Variants in PTCH1 observed in about 807,000 individuals in gnomAD.
The protein encoded by PTCH1 is protein patched homolog 1.
PTCH1 carries 14 observed loss-of-function variants against 144.6 expected under a neutral mutation model. That is an observed-to-expected ratio of 0.10 (90% CI 0.06 to 0.15). The LOEUF is 0.15. Among genes scored for constraint, PTCH1 ranks in the 10% least tolerant of loss-of-function variants. The probability of loss-of-function intolerance (pLI) is 1.00; values close to 1 mark genes in which losing one functional copy is unlikely to be tolerated. For missense variants in PTCH1, 1,623 were observed against 1,948.3 expected, an observed-to-expected ratio of 0.83 and a Z score of 3.14; for synonymous variants, 833 against 793.6, an observed-to-expected ratio of 1.05 and a Z score of -0.83.
At chr9:95,515,343 A>G (rs973231294) in intron 1 of PTCH1, among the ~76,000 whole-genome samples, 4 of 152,068 alleles carry the variant, frequency 2.6e-5, no homozygotes, top group Non-Finnish European at 5.9e-5. Context: ...GTTCTTTTGT[A>G]TTTCTCCTCC....
At chr9:95,512,532 G>A (rs914883642), upstream of PTCH1, among the ~76,000 whole-genome samples, 3 of 152,234 alleles carry the variant, frequency 2.0e-5, no homozygotes, top group Admixed American at 2.0e-4. Context: ...CAGGGCTGAG[G>A]CTGCCCCCAA....
Position 95,449,500 on chromosome 9 carries a change from G to C in PTCH1, c.3550-177C>G, listed in dbSNP as rs2136605076. 3.5e-6 allele frequency: 3 copies of C among 866,520 alleles called. No individual in the cohort carries two copies. Among genetic ancestry groups the C allele is most frequent in the Non-Finnish European group, 5.4e-6 (3 of 555,164 alleles). 53.7% of individuals were successfully genotyped at this position (866,520 alleles called of 1,614,324 possible). Reference sequence around the variant, plus strand: ...TGGAGGACCTTCAGGTCCCGCAGCTGGAGCAGAAGAACTGTCCTCTGCTCC... The same window carrying C: ...TGGAGGACCTTCAGGTCCCGCAGCTCGAGCAGAAGAACTGTCCTCTGCTCC... On this transcript the variant is annotated intron_variant, in intron 21 of 23. Transcript: ENST00000331920. This position sits in a 1 kb window ranked among gnomAD's most constrained non-coding sequence, Gnocchi z 5.3.
At chr9:95,456,138 T>C in intron 19 of PTCH1, 138 bp downstream of exon 19, 1 of 1,303,626 alleles carries the variant, frequency 7.7e-7, no homozygotes, top group South Asian at 1.4e-5. Flanking sequence ...TTGCAGGCTC[T>C]CCTAGGGGGC....
intron 15 of PTCH1, among the ~76,000 whole-genome samples, chr9:95,466,151 G>A (rs1041922498): frequency 7.9e-5 from 12 of 152,044 alleles, no homozygotes; most frequent in African/African-American, 2.4e-4. Flanking sequence ...AGGTTCAAGC[G>A]ATTCTCCTGC....
At chr9:95,499,827 A>G in intron 2 of PTCH1, among the ~76,000 whole-genome samples, 1 of 152,226 alleles carries the variant, frequency 6.6e-6, no homozygotes, top group East Asian at 1.9e-4. Context: ...AACACTCATC[A>G]GGGGCTAAAT....
In PTCH1 at chr9:95,444,054, T is replaced by TA. The variant is rs1281500641; in HGVS notation, c.*2338dup. 4.6e-5 allele frequency: 7 copies of TA among 151,936 alleles called. No individual in the cohort carries two copies. Among genetic ancestry groups the TA allele is most frequent in the African/African-American group, 1.5e-4 (6 of 41,188 alleles). The allele number at this position is 151,936 out of a possible 1,614,324, so 9.4% of individuals were successfully genotyped here. A position where few individuals can be genotyped will look rare whatever the true frequency, so the allele number is the denominator to read the frequency against. ...TTTTGTTATAAACTGGCATGACAAA[T>TA]ACTGTAGAGGAAAACATTCTTATGA... On this transcript the variant is annotated 3_prime_UTR_variant, in exon 24 of 24. Coordinates refer to ENST00000331920, the MANE Select transcript of PTCH1 (RefSeq NM_000264.5).
chr9:95,483,596 C>T (rs544451438), intron 3 of PTCH1: 1 of 152,360 alleles, frequency 6.6e-6, no homozygotes, highest in Non-Finnish European at 1.5e-5. Context: ...AAATGACCCC[C>T]TTCTCCTGAA....
At chr9:95,477,202 G>C (rs1053204285) in intron 10 of PTCH1, among the ~76,000 whole-genome samples, 1 of 152,218 alleles carries the variant, frequency 6.6e-6, no homozygotes, top group African/African-American at 2.4e-5. Flanking sequence ...CAGACTTACT[G>C]AGAAACTCTG....
At chr9:95,478,406 GT>G (rs1841259227) in intron 8 of PTCH1, among the ~76,000 whole-genome samples, 1 of 152,166 alleles carries the variant, frequency 6.6e-6, no homozygotes, top group Non-Finnish European at 1.5e-5. Flanking sequence ...GTGGCAGTGG[GT>G]GCTGCTGAGG....
chr9:95,496,866 T>A (rs1412602816), intron 2 of PTCH1, among the ~76,000 whole-genome samples: 12 of 152,176 alleles, frequency 7.9e-5, no homozygotes, highest in Admixed American at 4.6e-4. Context: ...CTGTGTGATG[T>A]TTGAGTCTAT....
chr9:95,479,788 G>A, intron 7 of PTCH1, 181 bp downstream of exon 7: 3 of 925,654 alleles, frequency 3.2e-6, no homozygotes. Context: ...TTCCCCACAA[G>A]GTGCTTTTTC....
chr9:95,449,370 G>T lies in PTCH1; in HGVS notation c.3550-47C>A. On this transcript the variant is annotated intron_variant, in intron 21 of 23. Transcript: ENST00000331920. The surrounding 1 kb of genome is among the most constrained non-coding windows in gnomAD (Gnocchi z 5.3). Reference sequence around the variant, plus strand: ...TAAAAGTGTTCTTGTCCATTTACCTGCTGGCCACACTCAAAGCTCAAAGCA... The same window carrying T: ...TAAAAGTGTTCTTGTCCATTTACCTTCTGGCCACACTCAAAGCTCAAAGCA... The T allele has an allele frequency of 6.5e-7, 1 of 1,537,822 alleles. No individual in the cohort carries two copies. The highest frequency in any genetic ancestry group is 8.7e-7 in the Non-Finnish European group (1 of 1,146,706).
Position 95,476,426 on chromosome 9 carries a change from G to C in PTCH1, c.1603-267C>G, listed in dbSNP as rs181669960. On this transcript the variant is annotated intron_variant, in intron 11 of 23. Coordinates refer to ENST00000331920, the MANE Select transcript of PTCH1 (RefSeq NM_000264.5). The surrounding 1 kb of genome is among the most constrained non-coding windows in gnomAD (Gnocchi z 4.6). ...TAACGCTTAAGTATAATTTTAAAAG[G>C]GAGTGGAGGGAGGTGATGGCTAAGT... is the stretch of plus-strand genomic sequence containing the variant. Among the ~76,000 whole-genome samples the C allele has an allele frequency of 2.5e-3, 374 of 152,294 alleles. No homozygotes were observed. The highest frequency in any genetic ancestry group is 3.9e-3 in the Non-Finnish European group (265 of 68,028).
At chr9:95,467,018 A>T in intron 15 of PTCH1, 98 bp downstream of exon 15, 1 of 1,330,956 alleles carries the variant, frequency 7.5e-7, no homozygotes, top group Non-Finnish European at 1.1e-6. Flanking sequence ...CGTCAGTGTT[A>T]CATTCTAATC....
At chr9:95,512,358 G>C (rs1182170135), upstream of PTCH1, among the ~76,000 whole-genome samples, 1 of 151,996 alleles carries the variant, frequency 6.6e-6, no homozygotes, top group Admixed American at 6.5e-5. Context: ...CGGCTCTAAC[G>C]AGCGCTATCT....
At chr9:95,459,572 C>A (rs970250145) in intron 17 of PTCH1, 28 bp downstream of exon 17, 1 of 1,612,290 alleles carries the variant, frequency 6.2e-7, no homozygotes, top group Non-Finnish European at 8.5e-7. Flanking sequence ...CTGTAAGTTC[C>A]CAGACCTCCC....
At chr9:95,491,454 T>C (rs1246862117) in intron 2 of PTCH1, among the ~76,000 whole-genome samples, 1 of 152,156 alleles carries the variant, frequency 6.6e-6, no homozygotes, top group Admixed American at 6.5e-5. Flanking sequence ...GTGTGTGAAA[T>C]TTCCCAGACC....
intron 1 of PTCH1, chr9:95,507,342 C>T: frequency 1.0e-6 from 1 of 985,536 alleles, no homozygotes; most frequent in Non-Finnish European, 1.2e-6. Context: ...CAGGCCGGCG[C>T]AGGCTGCTCC....
At chr9:95,479,933 CTACAGGGCA>C in intron 7 of PTCH1, 27 bp downstream of exon 7, 1 of 1,614,172 alleles carries the variant, frequency 6.2e-7, no homozygotes, top group Non-Finnish European at 8.5e-7. Flanking sequence ...AGGAAGAAGA[CTACAGGGCA>C]TAGATTGTCC....
Sources: gnomAD v4.1 joint callset for allele counts (sites outside exome capture counted in the v4.1 genomes callset) on GRCh38, gnomAD v4.1.1 for gene constraint, Gnocchi (gnomAD v3.1) non-coding constraint, MANE v1.5 for transcripts, NCBI Gene and HGNC (gene_info 2026-07-23, HGNC 2026-07-21) for gene names.